The following VSTM4 variants were observed in gnomAD, a reference collection of about 807,000 sequenced individuals.
VSTM4 encodes the protein V-set and transmembrane domain containing 4.
A neutral mutation model predicts 36.4 loss-of-function variants in VSTM4; 20 were observed. The observed-to-expected ratio is 0.55, with a 90% CI of 0.39 to 0.80. The LOEUF (loss-of-function observed/expected upper bound fraction) is 0.80, where lower values mean the gene tolerates loss of function less well. VSTM4 is among the 30% of genes least tolerant of loss of function. The pLI is 0.00. For synonymous variants in VSTM4, 182 were observed against 173.9 expected, an observed-to-expected ratio of 1.05 and a Z score of -0.37; for missense variants, 392 against 404.5, an observed-to-expected ratio of 0.97 and a Z score of 0.26.
At chr10:49,097,699 G>T (rs1167600622) in intron 2 of VSTM4, among the ~76,000 whole-genome samples, 1 of 152,156 alleles carries the variant, frequency 6.6e-6, no homozygotes, top group African/African-American at 2.4e-5. Context: ...ATCATTATTT[G>T]AAAAGATATT....
At chr10:49,037,784 T>C (rs988664126) in intron 7 of VSTM4, among the ~76,000 whole-genome samples, 1 of 152,136 alleles carries the variant, frequency 6.6e-6, no homozygotes, top group Admixed American at 6.5e-5. Context: ...TCTCTTTTTT[T>C]AAAAATGGTC....
intron 4 of VSTM4, among the ~76,000 whole-genome samples, chr10:49,070,278 A>AT: frequency 6.6e-6 from 1 of 151,246 alleles, no homozygotes; most frequent in Non-Finnish European, 1.5e-5. Flanking sequence ...AAAAAAAAAA[A>AT]AGAAATATGA....
At chr10:49,042,956 C>T (rs531686586) in intron 7 of VSTM4, among the ~76,000 whole-genome samples, 2 of 152,248 alleles carry the variant, frequency 1.3e-5, no homozygotes, top group East Asian at 3.9e-4. Context: ...CTGGGGAGGA[C>T]ATTCCAGGAA....
At chr10:49,070,477 C>T (rs372942512) in intron 4 of VSTM4, among the ~76,000 whole-genome samples, 29 of 152,118 alleles carry the variant, frequency 1.9e-4, no homozygotes, top group African/African-American at 6.5e-4. Flanking sequence ...ATGAAAAGGG[C>T]CTTCACTTGT....
intron 2 of VSTM4, among the ~76,000 whole-genome samples, chr10:49,099,357 T>C (rs1242804012): frequency 6.6e-6 from 1 of 152,262 alleles, no homozygotes; most frequent in Non-Finnish European, 1.5e-5. Flanking sequence ...GTTTTTCAAA[T>C]TGAATTTCAT....
At chr10:49,103,614 A>T in intron 2 of VSTM4, 1 of 1,474,918 alleles carries the variant, frequency 6.8e-7, no homozygotes. Context: ...GTTATTTTTT[A>T]AATATATCAT....
At position 49,019,729 on chromosome 10, in the gene VSTM4, A is replaced by G. The variant is rs189973122; in HGVS notation, c.884T>C (p.Ile295Thr). Residue 295 changes from isoleucine to threonine, a missense_variant, in exon 8 of 8, where the codon ATC becomes ACC. Transcript: ENST00000332853. The stretch of plus-strand genomic sequence containing the variant: ...GCCTTTGGCAGCCCGGTGGGGTTTG[A>G]TCAGCTCCAGTTCGGCATAGGTTAA... ...ENLTYAELEL[I>T]KPHRAAKGAP... 6.2e-7 allele frequency: 1 copy of G among 1,613,938 alleles called. No homozygotes were observed. The highest frequency in any genetic ancestry group is 8.5e-7 in the Non-Finnish European group (1 of 1,180,004).
chr10:49,107,765 G>C lies in VSTM4; in HGVS notation c.286C>G (p.Arg96Gly), dbSNP rs201428270. 1 of 1,614,260 alleles carries C rather than the reference G, an allele frequency of 6.2e-7. No individual in the cohort carries two copies. The change falls in exon 2 of 8, where the codon CGG (arginine) becomes GGG (glycine). Residue 96 changes from arginine (R) to glycine (G), a missense_variant. Physicochemically the swap from Arg to Gly is moderately radical, Grantham distance 125 (BLOSUM62 -2). Coordinates refer to ENST00000332853, the MANE Select transcript of VSTM4 (RefSeq NM_001031746.5). ...YYGNFSRSAK[R>G]RRLRLLEEQR... ...TCCTCCAGCAGGCGCAGCCTCCGCC[G>C]TTTGGCGCTGCGGCTGAAATTCCCA...
intron 2 of VSTM4, among the ~76,000 whole-genome samples, chr10:49,099,619 A>G (rs1844631638): frequency 6.6e-6 from 1 of 152,114 alleles, no homozygotes; most frequent in Non-Finnish European, 1.5e-5. Flanking sequence ...TTTTCAATCC[A>G]TTTTCTCTCT....
At position 49,107,655 on chromosome 10, in the gene VSTM4, G is replaced by A; in HGVS notation, c.396C>T (p.Ile132=). The part of the protein sequence containing the change: ...QGHYVCRVQE[I]SRHRNKWTAW... ...CCGTCCACTTGTTCCTGTGCCTGCT[G>A]ATTTCCTGGACTCTGCAGACGTAAT... The change falls in exon 2 of 8, where the codon ATC becomes ATT. Residue 132 remains isoleucine (I), a synonymous_variant. Coordinates refer to ENST00000332853, the MANE Select transcript of VSTM4 (RefSeq NM_001031746.5). 3 of 1,614,034 alleles carry A rather than the reference G, an allele frequency of 1.9e-6. No individual in the cohort carries two copies. The highest frequency in any genetic ancestry group is 1.7e-6 in the Non-Finnish European group (2 of 1,179,846).
intron 2 of VSTM4, chr10:49,102,320 G>C: frequency 2.1e-5 from 16 of 751,704 alleles, no homozygotes; most frequent in Non-Finnish European, 2.6e-5. Context: ...TATTTTTGTA[G>C]AGATGGGGTT....
chr10:49,067,016 T>C (rs768506485), intron 4 of VSTM4, among the ~76,000 whole-genome samples: 10 of 152,152 alleles, frequency 6.6e-5, no homozygotes, highest in Non-Finnish European at 1.0e-4. Flanking sequence ...CAGTTAAAAC[T>C]TGTTTGGGTA....
intron 3 of VSTM4, among the ~76,000 whole-genome samples, chr10:49,078,435 T>A (rs949577702): frequency 6.6e-6 from 1 of 150,842 alleles, no homozygotes; most frequent in African/African-American, 2.5e-5. Flanking sequence ...GTGTGGTACA[T>A]CCACACCACA....
intron 2 of VSTM4, among the ~76,000 whole-genome samples, chr10:49,086,910 G>A (rs955735346): frequency 1.3e-5 from 2 of 152,154 alleles, no homozygotes; most frequent in Admixed American, 6.5e-5. Flanking sequence ...TTACCACAAC[G>A]AAGAGCTCTA....
chr10:49,026,579 G>A (rs563347927), intron 7 of VSTM4, among the ~76,000 whole-genome samples: 1 of 152,328 alleles, frequency 6.6e-6, no homozygotes, highest in East Asian at 1.9e-4. Context: ...CAGATGTTGG[G>A]AGGTGGTGGC....
At chr10:49,076,943 C>T (rs939099313) in intron 4 of VSTM4, among the ~76,000 whole-genome samples, 1 of 152,028 alleles carries the variant, frequency 6.6e-6, no homozygotes. Context: ...CAACCCTAGG[C>T]TCATCTGATG....
At chr10:49,108,190 T>C (rs1268118550) in intron 1 of VSTM4, among the ~76,000 whole-genome samples, 195 bp from the exon 2 acceptor site, 1 of 152,134 alleles carries the variant, frequency 6.6e-6, no homozygotes, top group African/African-American at 2.4e-5. Flanking sequence ...GCCCCCACTG[T>C]CTCATCTATG....
chr10:49,094,245 G>A (rs1178403533), intron 2 of VSTM4, among the ~76,000 whole-genome samples: 1 of 152,158 alleles, frequency 6.6e-6, no homozygotes, highest in Non-Finnish European at 1.5e-5. Flanking sequence ...GGCTGCAGAG[G>A]CTAACTTCTC....
At chr10:49,094,785 G>T (rs940948775) in intron 2 of VSTM4, among the ~76,000 whole-genome samples, 25 of 152,230 alleles carry the variant, frequency 1.6e-4, no homozygotes, top group Admixed American at 7.8e-4. Flanking sequence ...AGTGGCAGGG[G>T]GTGGGGGGCG....
Sources: allele counts gnomAD v4.1 joint callset (sites outside exome capture counted in the v4.1 genomes callset), GRCh38; gene constraint gnomAD v4.1.1; transcripts MANE v1.5; gene names NCBI Gene and HGNC (gene_info 2026-07-23, HGNC 2026-07-21).